SCIN: variants seen among roughly 807,000 people sequenced by gnomAD.
SCIN encodes the protein adseverin.
Under a neutral mutation model 91.8 loss-of-function variants are expected in SCIN, and 91 were observed. That is an observed-to-expected ratio of 0.99 (90% CI 0.84 to 1.18). The LOEUF is 1.18. SCIN is among the 50% of genes most tolerant of loss of function. SCIN has a pLI of 0.00. For synonymous variants in SCIN, 367 were observed against 312.6 expected, an observed-to-expected ratio of 1.17 and a Z score of -1.84; for missense variants, 1,087 against 863.9, an observed-to-expected ratio of 1.26 and a Z score of -3.24.
chr7:12,649,395 G>T, intron 13 of SCIN, 72 bp from the exon 14 acceptor site: 2 of 853,664 alleles, frequency 2.3e-6, no homozygotes, highest in Non-Finnish European at 3.5e-6. Context: ...AAAAATACAG[G>T]GCATTTCTAT....
intron 14 of SCIN, among the ~76,000 whole-genome samples, chr7:12,650,745 T>G (rs938194655): frequency 6.6e-6 from 1 of 152,190 alleles, no homozygotes; most frequent in Non-Finnish European, 1.5e-5. Flanking sequence ...ATTATATCAA[T>G]TTTTTAAAAA....
In SCIN at chr7:12,654,226, C is replaced by G. The variant is rs1784132566; in HGVS notation, c.*1511C>G. 6.6e-6 allele frequency: 1 copy of G among 152,154 alleles called. No homozygotes were observed. 9.4% of individuals were successfully genotyped at this position (152,154 alleles called of 1,614,324 possible). On this transcript the variant is annotated 3_prime_UTR_variant, in exon 16 of 16. Coordinates refer to ENST00000297029, the MANE Select transcript of SCIN (RefSeq NM_001112706.3). ...ACAACTGACTTACCACACAAATGGA[C>G]TATGGTAGAAGCTGCTGTCCCTTAG...
intron 8 of SCIN, among the ~76,000 whole-genome samples, chr7:12,627,172 G>A (rs999576631): frequency 2.0e-5 from 3 of 151,694 alleles, no homozygotes; most frequent in East Asian, 3.9e-4. Flanking sequence ...ATTTATAAAT[G>A]TATATCTAAA....
At chr7:12,606,144 G>A (rs1783076677) in intron 4 of SCIN, among the ~76,000 whole-genome samples, 1 of 152,186 alleles carries the variant, frequency 6.6e-6, no homozygotes, top group Non-Finnish European at 1.5e-5. Flanking sequence ...GGCACTAAAT[G>A]TTTGCACCAG....
intron 3 of SCIN, among the ~76,000 whole-genome samples, chr7:12,583,857 A>T (rs922988670): frequency 1.3e-5 from 2 of 152,104 alleles, no homozygotes; most frequent in Admixed American, 1.3e-4. Context: ...AATTATTTTT[A>T]TTTTATATAG....
rs1784077454 is a variant in SCIN, at chr7:12,651,489, C to T, written c.1960-352C>T. ...TTCGGAGGTGAAATATTTTGGTTTCCTTCGACTGCTGTCACACCCTAGGGG... is the reference window on the plus strand; with the variant it reads ...TTCGGAGGTGAAATATTTTGGTTTCTTTCGACTGCTGTCACACCCTAGGGG... On this transcript the variant is annotated intron_variant, in intron 14 of 15. Transcript: ENST00000297029. This position sits in a 1 kb window ranked among gnomAD's most constrained non-coding sequence, Gnocchi z 5.9. 6.6e-6 allele frequency among the ~76,000 whole-genome samples: 1 copy of T among 151,726 alleles called. No homozygotes were observed. The highest frequency in any genetic ancestry group is 1.5e-5 in the Non-Finnish European group (1 of 67,940).
At chr7:12,589,999 G>A (rs10276230) in intron 3 of SCIN, among the ~76,000 whole-genome samples, 2,857 of 151,634 alleles carry the variant, frequency 0.019, 96 homozygotes, top group African/African-American at 0.065. Flanking sequence ...GATCCCATTT[G>A]CCCTTTCGAC....
chr7:12,650,087 G>T (rs967266232), intron 14 of SCIN, among the ~76,000 whole-genome samples: 3 of 152,092 alleles, frequency 2.0e-5, no homozygotes, highest in African/African-American at 7.2e-5. Flanking sequence ...CTAAATTAAC[G>T]GTGAAAGAGA....
chr7:12,627,583 G>A (rs2529784), intron 8 of SCIN, among the ~76,000 whole-genome samples: 1 of 152,016 alleles, frequency 6.6e-6, no homozygotes, highest in Non-Finnish European at 1.5e-5. Context: ...AAAGTATATG[G>A]TCAAGAAATT....
chr7:12,575,495 T>A (rs943093704), intron 1 of SCIN, among the ~76,000 whole-genome samples: 2 of 152,112 alleles, frequency 1.3e-5, no homozygotes, highest in African/African-American at 4.8e-5. Flanking sequence ...TTTTGTTGAC[T>A]CTAATTATCG....
chr7:12,656,622 AG>A lies in SCIN; in HGVS notation c.*3908del, dbSNP rs1289178425. 46 of 152,270 alleles carry A rather than the reference AG, an allele frequency of 3.0e-4. No homozygotes were observed. Among genetic ancestry groups the A allele is most frequent in the African/African-American group, 1.1e-3 (44 of 41,556 alleles). 9.4% of individuals were successfully genotyped at this position (152,270 alleles called of 1,614,324 possible). ...ACTTCACAAAAACTGTTAGAAAAGT[AG>A]CCATTAAACCTGTAAAAAGGCCGGG... On this transcript the variant is annotated 3_prime_UTR_variant, in exon 16 of 16. Coordinates refer to ENST00000297029, the MANE Select transcript of SCIN (RefSeq NM_001112706.3).
At chr7:12,648,431 G>A (rs1268060034) in intron 13 of SCIN, among the ~76,000 whole-genome samples, 3 of 151,662 alleles carry the variant, frequency 2.0e-5, no homozygotes. Context: ...CAAGTAGCTG[G>A]AACTACAGGC....
chr7:12,570,760 T>A lies in SCIN; in HGVS notation c.-27T>A. ...AGTCCAAGATCAGCGATATCACGCG[T>A]CCCCCGGAGCATCGCGTGCAGGAGC... On this transcript the variant is annotated 5_prime_UTR_variant, in exon 1 of 16. Coordinates refer to ENST00000297029, the MANE Select transcript of SCIN (RefSeq NM_001112706.3). 6.5e-7 allele frequency: 1 copy of A among 1,545,254 alleles called. No individual in the cohort carries two copies. The highest frequency in any genetic ancestry group is 8.7e-7 in the Non-Finnish European group (1 of 1,143,782).
Position 12,644,239 on chromosome 7 carries a change from G to T in SCIN, c.1683G>T (p.Glu561Asp). ...YIWVGKGASQ[E>D]EEKGAEYVAS... The stretch of plus-strand genomic sequence containing the variant: ...GGGTAGGAAAAGGTGCTAGCCAGGA[G>T]GAGGAGAAAGGAGCAGAGTATGTAG... The change falls in exon 12 of 16, where the codon GAG (glutamate) becomes GAT (aspartate). Residue 561 changes from glutamate (E) to aspartate (D), a missense_variant. Physicochemically the swap from Glu to Asp is conservative, Grantham distance 45 (BLOSUM62 2). Transcript: ENST00000297029. 6.2e-7 allele frequency: 1 copy of T among 1,608,060 alleles called. No homozygotes were observed. Among genetic ancestry groups the T allele is most frequent in the Middle Eastern group, 1.7e-4 (1 of 6,058 alleles).
intron 4 of SCIN, among the ~76,000 whole-genome samples, chr7:12,615,275 CTGTAAT>C (rs1270134370): frequency 6.6e-6 from 1 of 152,144 alleles, no homozygotes; most frequent in East Asian, 1.9e-4. Context: ...CAAATCTCAT[CTGTAAT>C]TGTAATCCCC....
chr7:12,656,363 A>G lies in SCIN; in HGVS notation c.*3648A>G, dbSNP rs1363012596. On this transcript the variant is annotated 3_prime_UTR_variant, in exon 16 of 16. Coordinates refer to ENST00000297029, the MANE Select transcript of SCIN (RefSeq NM_001112706.3). ...TACTTTGAACTGAAAGAAAACACTT[A>G]TTTTATTTTCTTTTAAACCTAATTT... The G allele has an allele frequency of 6.6e-6, 1 of 152,142 alleles. No individual in the cohort carries two copies. The allele number at this position is 152,142 out of a possible 1,614,324, so 9.4% of individuals were successfully genotyped here. A position where few individuals can be genotyped will look rare whatever the true frequency, so the allele number is the denominator to read the frequency against.
intron 3 of SCIN, chr7:12,588,803 T>C (rs1583280893): frequency 2.8e-4 from 1 of 3,528 alleles, no homozygotes. Flanking sequence ...GACAGCTGCA[T>C]TGGGTGGGGG....
chr7:12,604,571 C>G lies in SCIN; in HGVS notation c.574C>G (p.Gln192Glu). 6.4e-7 allele frequency: 1 copy of G among 1,551,904 alleles called. No individual in the cohort carries two copies. The highest frequency in any genetic ancestry group is 8.7e-7 in the Non-Finnish European group (1 of 1,146,998). Reference sequence around the variant, plus strand: ...CAAATATGAACGTCTGAAGGCAAACCAGGTAGCTACTGGCATTCGGTACAA... The same window carrying G: ...CAAATATGAACGTCTGAAGGCAAACGAGGTAGCTACTGGCATTCGGTACAA... ...CNKYERLKAN[Q>E]VATGIRYNER... Residue 192 changes from glutamine to glutamate, a missense_variant, in exon 4 of 16, where the codon CAG (glutamine) becomes GAG (glutamate). Physicochemically the swap from Gln to Glu is conservative, Grantham distance 29. Transcript: ENST00000297029.
intron 4 of SCIN, among the ~76,000 whole-genome samples, chr7:12,615,068 A>G (rs1021212881): frequency 1.3e-5 from 2 of 152,200 alleles, no homozygotes; most frequent in Non-Finnish European, 2.9e-5. Context: ...TCTTTCTTAC[A>G]GACACTGCGA....
Sources: allele counts gnomAD v4.1 joint callset (sites outside exome capture counted in the v4.1 genomes callset), GRCh38; gene constraint gnomAD v4.1.1; non-coding constraint Gnocchi (gnomAD v3.1); transcripts MANE v1.5; gene names NCBI Gene and HGNC (gene_info 2026-07-23, HGNC 2026-07-21).